Variants in AFF3 observed in about 807,000 individuals in gnomAD.
AFF3 encodes the protein ALF transcription elongation factor 3.
AFF3 carries 32 observed loss-of-function variants against 129.7 expected under a neutral mutation model. That is an observed-to-expected ratio of 0.25 (90% confidence interval 0.19 to 0.33). The LOEUF (loss-of-function observed/expected upper bound fraction) is 0.33, where lower values mean the gene tolerates loss of function less well. AFF3 is among the 10% of genes least tolerant of loss of function. The pLI is 1.00. For missense variants in AFF3, 1,373 were observed against 1,592.0 expected (o/e 0.86, Z 2.34); for synonymous variants, 644 against 635.4 (o/e 1.01, Z -0.20).
chr2:99,869,002 G>A (rs1158342486), intron 7 of AFF3, among the ~76,000 whole-genome samples: 1 of 150,626 alleles, frequency 6.6e-6, no homozygotes, highest in Non-Finnish European at 1.5e-5. Flanking sequence ...TGTTGCCCTG[G>A]CTGGTCTCGA....
At chr2:99,986,323 C>T (rs1679871903) in intron 7 of AFF3, among the ~76,000 whole-genome samples, 4 of 151,646 alleles carry the variant, frequency 2.6e-5, no homozygotes, top group Non-Finnish European at 5.9e-5. Context: ...TTAGCCACAA[C>T]CTCTTCAAGC....
intron 4 of AFF3, among the ~76,000 whole-genome samples, chr2:100,074,071 C>T (rs1317631315): frequency 1.3e-5 from 2 of 152,196 alleles, no homozygotes; most frequent in African/African-American, 4.8e-5. Context: ...CTTGTTGTAA[C>T]TCAGCCACGG....
At chr2:99,875,386 A>G (rs966354213) in intron 7 of AFF3, among the ~76,000 whole-genome samples, 9 of 151,932 alleles carry the variant, frequency 5.9e-5, no homozygotes, top group African/African-American at 2.2e-4. Context: ...CACTTCTGTC[A>G]CTCTTTATAA....
intron 7 of AFF3, among the ~76,000 whole-genome samples, chr2:99,956,710 C>T (rs542148781): frequency 3.3e-5 from 5 of 152,268 alleles, no homozygotes; most frequent in African/African-American, 1.2e-4. Flanking sequence ...CATCTCTATT[C>T]ATGACAGAAC....
intron 13 of AFF3, among the ~76,000 whole-genome samples, chr2:99,605,746 G>C (rs1158390123): frequency 6.6e-6 from 1 of 152,140 alleles, no homozygotes; most frequent in Admixed American, 6.6e-5. Flanking sequence ...GTGCAGTAGT[G>C]GTCATAGCTC....
chr2:99,672,976 T>C (rs144083932), intron 11 of AFF3, among the ~76,000 whole-genome samples: 10 of 152,254 alleles, frequency 6.6e-5, no homozygotes, highest in Admixed American at 2.0e-4. Flanking sequence ...GTTACCCTGA[T>C]TTGATCATTA....
At chr2:99,566,430 C>T (rs1392006566) in intron 19 of AFF3, among the ~76,000 whole-genome samples, 5 of 152,072 alleles carry the variant, frequency 3.3e-5, no homozygotes, top group Non-Finnish European at 5.9e-5. Context: ...TGCCTGTAAT[C>T]CCAGTGTTTT....
At chr2:99,607,680 C>G (rs1009305604) in intron 13 of AFF3, among the ~76,000 whole-genome samples, 3 of 152,208 alleles carry the variant, frequency 2.0e-5, no homozygotes, top group African/African-American at 7.2e-5. Flanking sequence ...TGGAGAGAGG[C>G]TCTCTGCCTG....
At position 99,547,354 on chromosome 2, in the gene AFF3, CT is replaced by C; in HGVS notation, c.*4119del. 4.6e-6 allele frequency: 1 copy of C among 219,274 alleles called. No homozygotes were observed. The highest frequency in any genetic ancestry group is 5.8e-5 in the Admixed American group (1 of 17,302). 13.6% of individuals were successfully genotyped at this position (219,274 alleles called of 1,614,324 possible). On this transcript the variant is annotated 3_prime_UTR_variant, in exon 25 of 25. Transcript: ENST00000672756. Reference sequence around the variant, plus strand: ...ATTCCAATTTCACATGGATTAAAAACTGCAGATAAATTAAGTCACAATAATA... The same window carrying C: ...ATTCCAATTTCACATGGATTAAAAACGCAGATAAATTAAGTCACAATAATA...
chr2:99,822,215 G>A (rs1687742620), intron 8 of AFF3, among the ~76,000 whole-genome samples: 1 of 151,818 alleles, frequency 6.6e-6, no homozygotes, highest in Non-Finnish European at 1.5e-5. Flanking sequence ...CAGTCATCAC[G>A]CAATACTGAC....
intron 1 of AFF3, among the ~76,000 whole-genome samples, chr2:100,137,884 G>C (rs1467427380): frequency 6.6e-6 from 1 of 152,210 alleles, no homozygotes; most frequent in East Asian, 1.9e-4. Flanking sequence ...AGGAGTTCCA[G>C]ATAACTGCTC....
chr2:99,901,787 G>A (rs975339690), intron 7 of AFF3, among the ~76,000 whole-genome samples: 3 of 152,088 alleles, frequency 2.0e-5, no homozygotes, highest in African/African-American at 7.2e-5. Flanking sequence ...CAGTCACAGG[G>A]ATGTTTCTAA....
intron 7 of AFF3, among the ~76,000 whole-genome samples, chr2:99,948,684 G>A (rs570848019): frequency 9.9e-5 from 15 of 152,028 alleles, no homozygotes; most frequent in Non-Finnish European, 2.1e-4. Flanking sequence ...AGCCCGCAAG[G>A]CCAGAGCAGG....
intron 4 of AFF3, among the ~76,000 whole-genome samples, chr2:100,037,864 T>C (rs1007559148): frequency 7.0e-5 from 10 of 143,392 alleles, no homozygotes; most frequent in African/African-American, 2.6e-4. Flanking sequence ...ATATAATATA[T>C]AAATATATGT....
intron 4 of AFF3, among the ~76,000 whole-genome samples, chr2:100,069,888 C>T (rs1573331226): frequency 6.6e-6 from 1 of 152,182 alleles, no homozygotes; most frequent in Non-Finnish European, 1.5e-5. Flanking sequence ...AAAATTCATA[C>T]ATATCTCCCC....
chr2:99,687,158 C>G (rs575245780), intron 11 of AFF3, among the ~76,000 whole-genome samples: 2 of 152,322 alleles, frequency 1.3e-5, no homozygotes, highest in Admixed American at 1.3e-4. Context: ...AGAGAAGGAT[C>G]TAGGAATGCA....
At chr2:99,589,040 T>C (rs1678401335) in intron 15 of AFF3, among the ~76,000 whole-genome samples, 1 of 152,252 alleles carries the variant, frequency 6.6e-6, no homozygotes, top group African/African-American at 2.4e-5. Context: ...TATGTAAGTC[T>C]TTCTGCACAT....
chr2:100,055,048 G>T (rs1686652148), intron 4 of AFF3, among the ~76,000 whole-genome samples: 1 of 152,136 alleles, frequency 6.6e-6, no homozygotes, highest in South Asian at 2.1e-4. Flanking sequence ...TTATTGTTGG[G>T]TTTTATCTCG....
intron 4 of AFF3, among the ~76,000 whole-genome samples, chr2:100,024,973 T>C (rs984392702): frequency 6.6e-6 from 1 of 152,184 alleles, no homozygotes; most frequent in African/African-American, 2.4e-5. Flanking sequence ...ACTGCAAATA[T>C]TACTTTTTAA....
Sources: allele counts gnomAD v4.1 joint callset (sites outside exome capture counted in the v4.1 genomes callset), GRCh38; gene constraint gnomAD v4.1.1; transcripts MANE v1.5; gene names NCBI Gene and HGNC (gene_info 2026-07-23, HGNC 2026-07-21).